The following KDM2A variants were observed in gnomAD, a reference collection of about 807,000 sequenced individuals.
KDM2A encodes lysine-specific demethylase 2A.
In KDM2A, 3 loss-of-function variants were observed where a neutral mutation model predicts 137.3. The observed-to-expected ratio is 0.02, with a 90% confidence interval of 0.01 to 0.06. The LOEUF is 0.06. Among genes scored for constraint, KDM2A ranks in the 10% least tolerant of loss-of-function variants. KDM2A has a pLI of 1.00. For synonymous variants in KDM2A, 512 were observed against 541.5 expected, an observed-to-expected ratio of 0.95 and a Z score of 0.76; for missense variants, 738 against 1,510.6, an observed-to-expected ratio of 0.49 and a Z score of 8.48.
chr11:67,153,533 A>ACT (rs1156275831), intron 2 of KDM2A, among the ~76,000 whole-genome samples: 1 of 152,182 alleles, frequency 6.6e-6, no homozygotes, highest in Non-Finnish European at 1.5e-5. Context: ...CAAACACAGA[A>ACT]AAGTTGAAAG....
intron 13 of KDM2A, chr11:67,243,788 C>G (rs1225443462): frequency 6.6e-6 from 1 of 152,088 alleles, no homozygotes; most frequent in Non-Finnish European, 1.5e-5. Flanking sequence ...GCACTTCAGC[C>G]TGGGGGACAA....
chr11:67,139,229 C>CT (rs933462120), intron 2 of KDM2A, among the ~76,000 whole-genome samples: 387 of 145,456 alleles, frequency 2.7e-3, no homozygotes, highest in African/African-American at 7.0e-3. Context: ...AAGATTGCTA[C>CT]TTTTTTTTTT....
intron 2 of KDM2A, among the ~76,000 whole-genome samples, chr11:67,141,678 AAAAAATATAT>A (rs935164944): frequency 6.6e-5 from 5 of 76,274 alleles, no homozygotes; most frequent in African/African-American, 2.1e-4. Context: ...AAAAAAAAAA[AAAAAATATAT>A]ATATATATAT....
chr11:67,235,284 G>T (rs891133392), intron 12 of KDM2A, among the ~76,000 whole-genome samples: 1 of 151,650 alleles, frequency 6.6e-6, no homozygotes, highest in African/African-American at 2.4e-5. Context: ...GGTAGAATAG[G>T]GTTTTCCTAC....
At chr11:67,161,685 G>A (rs773728925) in intron 2 of KDM2A, among the ~76,000 whole-genome samples, 6 of 152,136 alleles carry the variant, frequency 3.9e-5, no homozygotes, top group Non-Finnish European at 7.4e-5. Context: ...TTCTCAACAT[G>A]TGGTCTGGGG....
chr11:67,255,137 G>A lies in KDM2A; in HGVS notation c.*82G>A, dbSNP rs1859560136. The A allele has an allele frequency of 8.0e-7, 1 of 1,256,048 alleles. No homozygotes were observed. Among genetic ancestry groups the A allele is most frequent in the African/African-American group, 1.5e-5 (1 of 67,008 alleles). The allele number at this position is 1,256,048 out of a possible 1,614,324, so 77.8% of individuals were successfully genotyped here. On this transcript the variant is annotated 3_prime_UTR_variant, in exon 21 of 21. Transcript: ENST00000529006. Reference sequence around the variant, plus strand: ...GAGAGCCTCTCCTCGACCCTGCACGGGCTCTGAGGCCAGCGTCACACTCCC... The same window carrying A: ...GAGAGCCTCTCCTCGACCCTGCACGAGCTCTGAGGCCAGCGTCACACTCCC...
intron 2 of KDM2A, among the ~76,000 whole-genome samples, chr11:67,163,182 A>G (rs1417800816): frequency 1.3e-5 from 2 of 152,122 alleles, no homozygotes; most frequent in Non-Finnish European, 2.9e-5. Flanking sequence ...TTTCGTATTT[A>G]TGTTTGACCT....
chr11:67,196,334 C>G (rs1437978370), intron 5 of KDM2A: 1 of 456,070 alleles, frequency 2.2e-6, no homozygotes, highest in Admixed American at 2.3e-5. Flanking sequence ...GAGATGAGGT[C>G]TCACTGTGTT....
intron 5 of KDM2A, among the ~76,000 whole-genome samples, chr11:67,198,316 ATTTT>A (rs142427113): frequency 2.8e-5 from 4 of 142,550 alleles, no homozygotes; most frequent in Admixed American, 1.4e-4. Context: ...CAGATAGTGT[ATTTT>A]TTTTTTTTTT....
At chr11:67,175,453 C>T (rs1426722846) in intron 2 of KDM2A, among the ~76,000 whole-genome samples, 1 of 152,190 alleles carries the variant, frequency 6.6e-6, no homozygotes, top group Non-Finnish European at 1.5e-5. Context: ...AGCACACACA[C>T]ACGTAATTTT....
intron 12 of KDM2A, among the ~76,000 whole-genome samples, chr11:67,234,099 TC>T (rs760681830): frequency 6.6e-6 from 1 of 152,250 alleles, no homozygotes; most frequent in Non-Finnish European, 1.5e-5. Context: ...AGGTGTAGTT[TC>T]ACTTAAGATC....
chr11:67,229,138 A>G (rs1372410260), intron 11 of KDM2A, among the ~76,000 whole-genome samples: 1 of 152,232 alleles, frequency 6.6e-6, no homozygotes, highest in African/African-American at 2.4e-5. Context: ...ATTTACATTT[A>G]TGAAATTCTT....
chr11:67,154,269 A>G (rs568536691), intron 2 of KDM2A, among the ~76,000 whole-genome samples: 3 of 152,302 alleles, frequency 2.0e-5, no homozygotes, highest in South Asian at 4.1e-4. Flanking sequence ...GTCTTTTAAT[A>G]TATAATTGTT....
chr11:67,246,136 G>A lies in KDM2A; in HGVS notation c.1965+20G>A, dbSNP rs760628467. On this transcript the variant is annotated intron_variant, in intron 15 of 20. Coordinates refer to ENST00000529006, the MANE Select transcript of KDM2A (RefSeq NM_012308.3). ...CTCCAGGTGAGGAGAGCTATGAGGG[G>A]TTCCTGAAGTCTCAGCTAATGGAGT... is the stretch of plus-strand genomic sequence containing the variant. 6.2e-7 allele frequency: 1 copy of A among 1,612,962 alleles called. No homozygotes were observed. The highest frequency in any genetic ancestry group is 2.2e-5 in the East Asian group (1 of 44,870).
intron 5 of KDM2A, among the ~76,000 whole-genome samples, chr11:67,204,314 C>T (rs1857736763): frequency 6.6e-6 from 1 of 152,004 alleles, no homozygotes; most frequent in Admixed American, 6.6e-5. Flanking sequence ...ATTTCATCAC[C>T]CCAAACAAAC....
chr11:67,249,972 A>C, intron 16 of KDM2A, 114 bp from the exon 17 acceptor site: 2 of 715,746 alleles, frequency 2.8e-6, no homozygotes, highest in East Asian at 3.0e-5. Context: ...CCCCCTCTCC[A>C]ACGTGACCTT....
intron 2 of KDM2A, among the ~76,000 whole-genome samples, chr11:67,155,132 A>G (rs1322608494): frequency 2.6e-5 from 4 of 152,130 alleles, no homozygotes; most frequent in Admixed American, 2.6e-4. Context: ...CTCATGCCTC[A>G]GCCTCCTGAG....
intron 2 of KDM2A, among the ~76,000 whole-genome samples, chr11:67,130,133 T>C (rs1001111775): frequency 1.3e-5 from 2 of 150,880 alleles, no homozygotes; most frequent in African/African-American, 2.4e-5. Flanking sequence ...TGGCTAATTT[T>C]TTTTTTTTTC....
At chr11:67,143,686 G>A (rs772724032) in intron 2 of KDM2A, among the ~76,000 whole-genome samples, 21 of 151,852 alleles carry the variant, frequency 1.4e-4, no homozygotes, top group Admixed American at 5.3e-4. Context: ...AGGCTGGAGT[G>A]CAATGACGCG....
Sources: gnomAD v4.1 joint callset for allele counts (sites outside exome capture counted in the v4.1 genomes callset) on GRCh38, gnomAD v4.1.1 for gene constraint, MANE v1.5 for transcripts, NCBI Gene and HGNC (gene_info 2026-07-23, HGNC 2026-07-21) for gene names.